The following TRIM16 variants were observed in gnomAD, a reference collection of about 807,000 sequenced individuals.
TRIM16 encodes tripartite motif-containing protein 16.
A neutral mutation model predicts 50.4 loss-of-function variants in TRIM16; 33 were observed. The observed-to-expected ratio is 0.65, with a 90% CI of 0.50 to 0.88. The LOEUF is 0.88. Among genes scored for constraint, TRIM16 ranks in the 40% least tolerant of loss-of-function variants. The pLI is 0.00. For synonymous variants in TRIM16, 229 were observed against 270.7 expected (o/e 0.85, Z 1.51); for missense variants, 581 against 686.8 (o/e 0.85, Z 1.72).
intron 6 of TRIM16, among the ~76,000 whole-genome samples, chr17:15,653,552 CTA>C (rs1392249709): frequency 6.6e-6 from 1 of 152,178 alleles, no homozygotes; most frequent in East Asian, 1.9e-4. Context: ...ATGGCTTCTC[CTA>C]TGTCTTCACA....
chr17:15,629,081 C>A lies in TRIM16; in HGVS notation c.1229G>T (p.Ser410Ile). 1 of 1,613,942 alleles carries A rather than the reference C, an allele frequency of 6.2e-7. No homozygotes were observed. The change falls in exon 12 of 12, where the codon AGC becomes ATC. Residue 410 changes from serine (S) to isoleucine (I), a missense_variant. By Grantham distance (142) the Ser-to-Ile change is moderately radical. Coordinates refer to ENST00000649191, the MANE Select transcript of TRIM16 (RefSeq NM_001348119.1). ...PWEHPYPDLPSRFLHWRQVLS... is the reference protein window; with the variant it reads ...PWEHPYPDLPIRFLHWRQVLS... ...CACCTGCCGCCAGTGCAGGAACCTG[C>A]TGGGGAGGTCCGGGTAGGGATGCTC...
At chr17:15,681,637 T>C (rs950798811) in intron 3 of TRIM16, among the ~76,000 whole-genome samples, 4 of 152,240 alleles carry the variant, frequency 2.6e-5, no homozygotes, top group African/African-American at 4.8e-5. Flanking sequence ...CTGCTCATAA[T>C]TTACTTCTCC....
At chr17:15,678,694 T>C (rs1361724217) in intron 4 of TRIM16, among the ~76,000 whole-genome samples, 14 of 152,230 alleles carry the variant, frequency 9.2e-5, no homozygotes, top group Non-Finnish European at 7.3e-5. Context: ...TAAGGCCATA[T>C]ATATTTTGGG....
At chr17:15,673,013 C>T (rs911539854) in intron 6 of TRIM16, among the ~76,000 whole-genome samples, 1 of 152,214 alleles carries the variant, frequency 6.6e-6, no homozygotes, top group Non-Finnish European at 1.5e-5. Context: ...CTAGGACAGA[C>T]CTTTTGTTCA....
chr17:15,684,097 A>G (rs1188050622), intron 1 of TRIM16, 99 bp downstream of exon 1: 1 of 152,370 alleles, frequency 6.6e-6, no homozygotes, highest in Non-Finnish European at 1.5e-5. Context: ...CCCTAGCTCC[A>G]GCAGAAGGAA....
chr17:15,660,565 A>G (rs1389751627), intron 6 of TRIM16, among the ~76,000 whole-genome samples: 2 of 152,156 alleles, frequency 1.3e-5, no homozygotes, highest in African/African-American at 4.8e-5. Context: ...ATCATGGTGC[A>G]TAGACTCAGG....
chr17:15,683,010 C>A, intron 2 of TRIM16, 26 bp downstream of exon 2: 1 of 1,550,410 alleles, frequency 6.4e-7, no homozygotes, highest in South Asian at 1.2e-5. Flanking sequence ...TGGCTAATGG[C>A]AGGACCCTTT....
At chr17:15,672,500 A>G (rs1378904418) in intron 6 of TRIM16, among the ~76,000 whole-genome samples, 13 of 151,442 alleles carry the variant, frequency 8.6e-5, no homozygotes, top group Non-Finnish European at 1.3e-4. Context: ...TCAGGAAGCT[A>G]AGGTGGGCAG....
At chr17:15,637,138 G>A (rs1344388247) in intron 8 of TRIM16, among the ~76,000 whole-genome samples, 27 of 104,430 alleles carry the variant, frequency 2.6e-4, no homozygotes, top group African/African-American at 5.1e-4. Context: ...TCAGCCCCCC[G>A]CCCGGCCAGC....
At position 15,658,395 on chromosome 17, in the gene TRIM16, A is replaced by C. The variant is rs148288691; in HGVS notation, c.-337-6449T>G. Among the ~76,000 whole-genome samples, 7 of 152,162 alleles carry C rather than the reference A, an allele frequency of 4.6e-5. No individual in the cohort carries two copies. The East Asian group carries it at 1.4e-3, about 29-fold the overall frequency. On this transcript the variant is annotated intron_variant, in intron 6 of 11. Transcript: ENST00000649191. ...ACAGCCTTTCATTTGTCTCTTCAAA[A>C]ATCTCACTGGATTTTTTTCCTCATT...
intron 10 of TRIM16, 67 bp from the exon 11 acceptor site, chr17:15,631,781 CTTCCCAG>C (rs1221579597): frequency 6.7e-7 from 1 of 1,495,664 alleles, no homozygotes; most frequent in African/African-American, 1.4e-5. Context: ...CAAATCAGGA[CTTCCCAG>C]CCACCCTTCC....
intron 6 of TRIM16, among the ~76,000 whole-genome samples, chr17:15,670,772 T>C (rs1281942232): frequency 1.6e-4 from 24 of 152,252 alleles, no homozygotes; most frequent in Admixed American, 1.6e-3. Context: ...ATTTCTAGTG[T>C]TGGGGTCCTA....
intron 6 of TRIM16, among the ~76,000 whole-genome samples, chr17:15,668,115 C>T (rs925009397): frequency 1.3e-5 from 2 of 152,180 alleles, no homozygotes; most frequent in South Asian, 2.1e-4. Flanking sequence ...TATCTGCTTC[C>T]GCTGCTCTGA....
At chr17:15,656,019 G>A (rs939553230) in intron 6 of TRIM16, among the ~76,000 whole-genome samples, 4 of 152,124 alleles carry the variant, frequency 2.6e-5, no homozygotes, top group Non-Finnish European at 5.9e-5. Flanking sequence ...AATGGGAGAC[G>A]GCATCATGCT....
chr17:15,631,826 G>C (rs552134346), intron 10 of TRIM16, 112 bp from the exon 11 acceptor site: 1 of 918,430 alleles, frequency 1.1e-6, no homozygotes, highest in East Asian at 2.5e-5. Context: ...AGAAGGGGCT[G>C]AAGCCTGGTA....
intron 8 of TRIM16, among the ~76,000 whole-genome samples, chr17:15,637,126 G>A (rs1460970124): frequency 5.9e-5 from 8 of 136,652 alleles, no homozygotes; most frequent in African/African-American, 1.8e-4. Context: ...GGGGGGGGGG[G>A]GTCAGCCCCC....
intron 11 of TRIM16, among the ~76,000 whole-genome samples, chr17:15,631,109 G>C (rs1408280578): frequency 6.6e-6 from 1 of 152,004 alleles, no homozygotes; most frequent in Non-Finnish European, 1.5e-5. Context: ...ACATAGAAAT[G>C]AATCACTTGG....
chr17:15,650,824 G>A (rs1295811715), intron 7 of TRIM16, among the ~76,000 whole-genome samples: 1 of 152,180 alleles, frequency 6.6e-6, no homozygotes, highest in Non-Finnish European at 1.5e-5. Context: ...CAGGAAACTA[G>A]CAAGAAGGAG....
At chr17:15,676,513 C>A (rs949991779) in intron 6 of TRIM16, among the ~76,000 whole-genome samples, 17 of 150,452 alleles carry the variant, frequency 1.1e-4, no homozygotes, top group Non-Finnish European at 2.1e-4. Flanking sequence ...CGGCTCGCTG[C>A]AAGCCCCACC....
Sources: allele counts gnomAD v4.1 joint callset (sites outside exome capture counted in the v4.1 genomes callset), GRCh38; gene constraint gnomAD v4.1.1; transcripts MANE v1.5; gene names NCBI Gene and HGNC (gene_info 2026-07-23, HGNC 2026-07-21).